Variants in TSPYL2 observed in about 807,000 individuals in gnomAD.
TSPYL2 encodes testis-specific Y-encoded-like protein 2.
TSPYL2 carries 9 observed loss-of-function variants against 33.0 expected under a neutral mutation model. That is an observed-to-expected ratio of 0.27 (90% CI 0.16 to 0.48). The LOEUF (loss-of-function observed/expected upper bound fraction) is 0.48. Among genes scored for constraint, TSPYL2 ranks in the 20% least tolerant of loss-of-function variants. The pLI is 0.99. For synonymous variants in TSPYL2, 330 were observed against 233.6 expected, an observed-to-expected ratio of 1.41 and a Z score of -3.77; for missense variants, 636 against 586.2, an observed-to-expected ratio of 1.08 and a Z score of -0.88.
At position 53,082,631 on chromosome X, in the gene TSPYL2, C is replaced by G; in HGVS notation, c.133C>G (p.Arg45Gly). 2 of 1,155,682 alleles carry G rather than the reference C, an allele frequency of 1.7e-6. No homozygotes were observed. Among genetic ancestry groups the G allele is most frequent in the East Asian group, 6.5e-5 (2 of 30,585 alleles). Residue 45 changes from arginine (R) to glycine (G), a missense_variant, in exon 1 of 7, where the codon CGC becomes GGC. This residue lies in a region of TSPYL2 where 231 missense variants were observed against 201.6 expected (regional missense o/e 1.15). Coordinates refer to ENST00000375442, the MANE Select transcript of TSPYL2 (RefSeq NM_022117.4). ...LRLPLPPPQQRPRLQEETEAA... is the reference protein window; with the variant it reads ...LRLPLPPPQQGPRLQEETEAA... Reference sequence around the variant, plus strand: ...ACTGCCGCTGCCTCCACCCCAGCAGCGCCCGAGGCTCCAGGAGGAAACGGA... The same window carrying G: ...ACTGCCGCTGCCTCCACCCCAGCAGGGCCCGAGGCTCCAGGAGGAAACGGA...
chrX:53,085,293 A>G lies in TSPYL2; in HGVS notation c.1210A>G (p.Lys404Glu). Residue 404 changes from lysine to glutamate, a missense_variant, in exon 5 of 7, where the codon AAG (lysine) becomes GAG (glutamate). Lys to Glu is a moderately conservative substitution (Grantham distance 56). Around this residue, in one of 3 missense-constraint regions of TSPYL2, gnomAD observed 401 missense variants for 363.0 expected, o/e 1.10. Transcript: ENST00000375442. Reference protein sequence around the residue: ...YYLRERGSRIKRKKQEMKKRK... With the variant: ...YYLRERGSRIERKKQEMKKRK... ...CCTGAGAGAAAGGGGCTCCAGGATA[A>G]AGAGAAAGAAGCAAGAAATGAAGAA... is the stretch of plus-strand genomic sequence containing the variant. 8.3e-7 allele frequency: 1 copy of G among 1,208,627 alleles called. No homozygotes were observed. The highest frequency in any genetic ancestry group is 1.1e-6 in the Non-Finnish European group (1 of 894,083).
At position 53,084,595 on chromosome X, in the gene TSPYL2, C is replaced by A; in HGVS notation, c.858C>A (p.Asp286Glu). ...TTTTGATCAACCGACGTGATGAAGACATTTTCCGCTACTTGACCAATCTGC... is the reference window on the plus strand; with the variant it reads ...TTTTGATCAACCGACGTGATGAAGAAATTTTCCGCTACTTGACCAATCTGC... The part of the protein sequence containing the change: ...ISILINRRDE[D>E]IFRYLTNLQV... Residue 286 changes from aspartate to glutamate, a missense_variant, in exon 2 of 7, where the codon GAC (aspartate) becomes GAA (glutamate). Asp to Glu is a conservative substitution (Grantham distance 45). Around this residue, in one of 3 missense-constraint regions of TSPYL2, gnomAD observed 401 missense variants for 363.0 expected, o/e 1.10. Coordinates refer to ENST00000375442, the MANE Select transcript of TSPYL2 (RefSeq NM_022117.4). 8.4e-7 allele frequency: 1 copy of A among 1,192,302 alleles called. No individual in the cohort carries two copies. The highest frequency in any genetic ancestry group is 1.1e-6 in the Non-Finnish European group (1 of 886,051).
chrX:53,082,579 G>C lies in TSPYL2; in HGVS notation c.81G>C (p.Pro27=), dbSNP rs1556807163. The C allele has an allele frequency of 4.9e-6, 5 of 1,022,851 alleles. No homozygotes were observed. Among genetic ancestry groups the C allele is most frequent in the East Asian group, 8.0e-5 (2 of 24,862 alleles). 84.3% of individuals were successfully genotyped at this position (1,022,851 alleles called of 1,213,427 possible). The part of the protein sequence containing the change: ...SSESPQRDPP[P]PPPPPPLLRL... ...AGTCTCCACAGCGCGACCCGCCCCC[G>C]CCGCCGCCGCCGCCGCCGCTCCTCC... Residue 27 remains proline (P), a synonymous_variant, in exon 1 of 7, where the codon CCG becomes CCC. Transcript: ENST00000375442.
rs1932639937 is a variant in TSPYL2, at chrX:53,082,552, C to T, written c.54C>T (p.Ser18=). 5 of 1,156,533 alleles carry T rather than the reference C, an allele frequency of 4.3e-6. No homozygotes were observed. Among genetic ancestry groups the T allele is most frequent in the East Asian group, 3.3e-5 (1 of 30,604 alleles). Residue 18 remains serine, a synonymous_variant, in exon 1 of 7, where the codon TCC becomes TCT. Transcript: ENST00000375442. The stretch of plus-strand genomic sequence containing the variant: ...CCAAGACCCGCCGCCTGAGCAGCTC[C>T]GAGTCTCCACAGCGCGACCCGCCCC... ...PPAKTRRLSS[S]ESPQRDPPPP...
chrX:53,087,563 T>C, intron 6 of TSPYL2: 1 of 422,803 alleles, frequency 2.4e-6, no homozygotes, highest in Non-Finnish European at 4.1e-6. Flanking sequence ...CCACACTGCC[T>C]TCCTGCCTCC....
rs782713520 is a variant in TSPYL2, at chrX:53,086,143, GTGA to G, written c.1760_1762del (p.Asp587del). On this transcript the variant is annotated inframe_deletion, in exon 6 of 7. Transcript: ENST00000375442. ...GGCAACGAAGGTGACAATGAGGGCA[GTGA>G]TGATGATGGCAATGAAGGTGACAAT... 305 of 1,197,276 alleles carry G rather than the reference GTGA, an allele frequency of 2.5e-4. No homozygotes were observed. Among genetic ancestry groups the G allele is most frequent in the Admixed American group, 4.6e-4 (20 of 43,670 alleles).
chrX:53,085,555 G>C, intron 5 of TSPYL2, 76 bp from the exon 6 acceptor site: 3 of 1,066,862 alleles, frequency 2.8e-6, no homozygotes, highest in Non-Finnish European at 3.9e-6. Flanking sequence ...TGCTTCCCCA[G>C]TTACTTCCCA....
chrX:53,085,886 T>C lies in TSPYL2; in HGVS notation c.1494T>C (p.Ser498=). The C allele has an allele frequency of 8.3e-7, 1 of 1,207,642 alleles. No individual in the cohort carries two copies. Among genetic ancestry groups the C allele is most frequent in the Non-Finnish European group, 1.1e-6 (1 of 894,340 alleles). The change falls in exon 6 of 7, where the codon AGT becomes AGC. Residue 498 remains serine, a synonymous_variant. Transcript: ENST00000375442. ...PNNETTDNNE[S]ADDHETTDNN... ...ACGAGACCACTGATAACAACGAGAG[T>C]GCTGATGACCACGAAACCACTGACA...
Position 53,085,875 on chromosome X carries a change from A to T in TSPYL2, c.1483A>T (p.Asn495Tyr), listed in dbSNP as rs782705108. Residue 495 changes from asparagine to tyrosine, a missense_variant, in exon 6 of 7, where the codon AAC becomes TAC. This residue lies in a region of TSPYL2 where 401 missense variants were observed against 363.0 expected (regional missense o/e 1.10). Transcript: ENST00000375442. Reference protein sequence around the residue: ...NEVPNNETTDNNESADDHETT... With the variant: ...NEVPNNETTDYNESADDHETT... The stretch of plus-strand genomic sequence containing the variant: ...GGTCCCCAACAACGAGACCACTGAT[A>T]ACAACGAGAGTGCTGATGACCACGA... 1 of 1,211,448 alleles carries T rather than the reference A, an allele frequency of 8.3e-7. No individual in the cohort carries two copies.
At chrX:53,083,571 CATAGCA>C (rs1932681305) in intron 1 of TSPYL2, among the ~76,000 whole-genome samples, 1 of 103,021 alleles carries the variant, frequency 9.7e-6, no homozygotes, top group Non-Finnish European at 2.0e-5. Flanking sequence ...AGAGGAGGAA[CATAGCA>C]TTAAAAAAAG....
In TSPYL2 at chrX:53,084,777, C is replaced by T; in HGVS notation, c.908C>T (p.Ser303Phe). Residue 303 changes from serine (S) to phenylalanine (F), a missense_variant, in exon 3 of 7, where the codon TCC becomes TTC. Ser to Phe is a radical substitution (Grantham distance 155, BLOSUM62 -2). Transcript: ENST00000375442. ...NLQVQDLRHISMGYKMKLYFQ... is the reference protein window; with the variant it reads ...NLQVQDLRHIFMGYKMKLYFQ... ...CAGGTACAGGATCTCAGACATATCT[C>T]CATGGGCTACAAAATGAAGCTGTAC... The T allele has an allele frequency of 1.7e-6, 2 of 1,210,515 alleles. No individual in the cohort carries two copies. The highest frequency in any genetic ancestry group is 2.2e-6 in the Non-Finnish European group (2 of 894,840).
Position 53,087,873 on chromosome X carries a change from C to T in TSPYL2, c.2016C>T (p.Asp672=), listed in dbSNP as rs372973628. 2.5e-6 allele frequency: 3 copies of T among 1,211,784 alleles called. No homozygotes were observed. Among genetic ancestry groups the T allele is most frequent in the Non-Finnish European group, 2.2e-6 (2 of 895,400 alleles). Reference sequence around the variant, plus strand: ...AAGGGGAAGATTCGGACGACTCTGACCTAGAGGATGTGCTTCAGGTCCCAA... The same window carrying T: ...AAGGGGAAGATTCGGACGACTCTGATCTAGAGGATGTGCTTCAGGTCCCAA... ...WEEGEDSDDS[D]LEDVLQVPNG... Residue 672 remains aspartate, a synonymous_variant, in exon 7 of 7, where the codon GAC becomes GAT. Transcript: ENST00000375442.
intron 2 of TSPYL2, 62 bp downstream of exon 2, chrX:53,084,684 G>A (rs1221926488): frequency 1.7e-6 from 2 of 1,182,033 alleles, no homozygotes; most frequent in South Asian, 1.8e-5. Flanking sequence ...GGAGGTGACG[G>A]GAGGTGGGTG....
chrX:53,083,075 C>A lies in TSPYL2; in HGVS notation c.577C>A (p.Arg193=), dbSNP rs192279149. ...MRSSRRRRRR[R]RRKQRKVKRE... is the part of the protein sequence containing the mutation. ...GAGCAGCAGGAGGCGGCGGCGGCGG[C>A]GGAGGAGGAAGCAGAGGAAGGTGAA... The change falls in exon 1 of 7, where the codon CGG becomes AGG. Residue 193 remains arginine (R), a synonymous_variant. Coordinates refer to ENST00000375442, the MANE Select transcript of TSPYL2 (RefSeq NM_022117.4). 145 of 1,196,273 alleles carry A rather than the reference C, an allele frequency of 1.2e-4. No individual in the cohort carries two copies. Among genetic ancestry groups the A allele is most frequent in the African/African-American group, 6.7e-4 (38 of 56,327 alleles).
In TSPYL2 at chrX:53,084,580, C is replaced by T. The variant is rs1221147484; in HGVS notation, c.843C>T (p.Asn281=). The change falls in exon 2 of 7, where the codon AAC becomes AAT. Residue 281 remains asparagine (N), a synonymous_variant. Coordinates refer to ENST00000375442, the MANE Select transcript of TSPYL2 (RefSeq NM_022117.4). ...ACCCCAGAATTTCAATTTTGATCAA[C>T]CGACGTGATGAAGACATTTTCCGCT... ...LNHPRISILI[N]RRDEDIFRYL... 1 of 1,183,944 alleles carries T rather than the reference C, an allele frequency of 8.4e-7. No individual in the cohort carries two copies.
Position 53,085,669 on chromosome X carries a change from A to G in TSPYL2, c.1277A>G (p.Asp426Gly), listed in dbSNP as rs782224348. ...RGRCEVVIME[D>G]APDYYAVEDI... ...AGATGTGAGGTGGTGATCATGGAAG[A>G]CGCCCCTGACTATTATGCAGTGGAA... is the stretch of plus-strand genomic sequence containing the variant. The change falls in exon 6 of 7, where the codon GAC (aspartate) becomes GGC (glycine). Residue 426 changes from aspartate (D) to glycine (G), a missense_variant. Asp to Gly is a moderately conservative substitution (Grantham distance 94, BLOSUM62 -1). Transcript: ENST00000375442. 2.6e-5 allele frequency: 32 copies of G among 1,210,181 alleles called. No individual in the cohort carries two copies. In the African/African-American group the frequency reaches 3.3e-4, roughly 13 times the overall value.
At position 53,082,770 on chromosome X, in the gene TSPYL2, G is replaced by C. The variant is rs200235910; in HGVS notation, c.272G>C (p.Gly91Ala). ...EGGIRAYFTL[G>A]AECPGWDSTI... is the part of the protein sequence containing the mutation. ...GGGATCCGCGCATACTTCACGCTCG[G>C]TGCTGAGTGTCCCGGCTGGGATTCT... is the stretch of plus-strand genomic sequence containing the variant. The change falls in exon 1 of 7, where the codon GGT (glycine) becomes GCT (alanine). Residue 91 changes from glycine (G) to alanine (A), a missense_variant. Gly to Ala is a moderately conservative substitution (Grantham distance 60). Transcript: ENST00000375442. The C allele has an allele frequency of 3.3e-4, 396 of 1,192,708 alleles. No individual in the cohort carries two copies. Among genetic ancestry groups the C allele is most frequent in the Non-Finnish European group, 4.0e-4 (356 of 887,998 alleles).
At position 53,084,720 on chromosome X, in the gene TSPYL2, G is replaced by C. The variant is rs781877823; in HGVS notation, c.886-35G>C. 5 of 1,186,399 alleles carry C rather than the reference G, an allele frequency of 4.2e-6. No homozygotes were observed. The Admixed American group carries it at 1.1e-4, about 26-fold the overall frequency. ...GGAAGGGCCGTGGTGTGTTGGGGGGGGGACAGATTCCACCATCACCCCCAC... is the reference window on the plus strand; with the variant it reads ...GGAAGGGCCGTGGTGTGTTGGGGGGCGGACAGATTCCACCATCACCCCCAC... On this transcript the variant is annotated intron_variant, in intron 2 of 6. Coordinates refer to ENST00000375442, the MANE Select transcript of TSPYL2 (RefSeq NM_022117.4).
Position 53,086,139 on chromosome X carries a change from G to A in TSPYL2, c.1747G>A (p.Gly583Ser), listed in dbSNP as rs1932760086. Residue 583 changes from glycine to serine, a missense_variant, in exon 6 of 7, where the codon GGC (glycine) becomes AGC (serine). Transcript: ENST00000375442. ...DNDGNEGDNE[G>S]SDDDGNEGDN... ...TGATGGCAACGAAGGTGACAATGAG[G>A]GCAGTGATGATGATGGCAATGAAGG... is the stretch of plus-strand genomic sequence containing the variant. 8.4e-7 allele frequency: 1 copy of A among 1,195,009 alleles called. No homozygotes were observed. The highest frequency in any genetic ancestry group is 1.8e-5 in the South Asian group (1 of 54,736).
Sources: gnomAD v4.1 joint callset for allele counts (sites outside exome capture counted in the v4.1 genomes callset) on GRCh38, gnomAD v4.1.1 for gene constraint, gnomAD v4.1.1 regional missense constraint, MANE v1.5 for transcripts, NCBI Gene and HGNC (gene_info 2026-07-23, HGNC 2026-07-21) for gene names.